TRMT9B: variants seen among roughly 807,000 people sequenced by gnomAD.
TRMT9B encodes the protein tRNA methyltransferase 9B (putative), also known as probable tRNA methyltransferase 9B.
In TRMT9B, 16 loss-of-function variants were observed where a neutral mutation model predicts 11.5. The observed-to-expected ratio is 1.39, with a 90% confidence interval of 0.94 to 2.11. The LOEUF (loss-of-function observed/expected upper bound fraction) is 2.11, where lower values mean the gene tolerates loss of function less well. Among genes scored for constraint, TRMT9B ranks in the 30% most tolerant of loss-of-function variants. TRMT9B has a pLI of 0.00. For synonymous variants in TRMT9B, 274 were observed against 192.4 expected (o/e 1.42, Z -3.51); for missense variants, 941 against 553.8 (o/e 1.70, Z -7.02).
chr8:12,979,129 G>A (rs931694210), intron 1 of TRMT9B, among the ~76,000 whole-genome samples: 9 of 152,168 alleles, frequency 5.9e-5, no homozygotes, highest in African/African-American at 2.2e-4. Flanking sequence ...ACTCCCTCTG[G>A]CGGGGGAATG....
intron 3 of TRMT9B, among the ~76,000 whole-genome samples, chr8:13,009,578 A>T (rs1424239220): frequency 6.6e-6 from 1 of 152,156 alleles, no homozygotes; most frequent in African/African-American, 2.4e-5. Context: ...TGTTTTATGT[A>T]AAAATAAGCG....
At chr8:13,004,226 G>A (rs1343713663) in intron 2 of TRMT9B, among the ~76,000 whole-genome samples, 2 of 151,986 alleles carry the variant, frequency 1.3e-5, no homozygotes, top group Non-Finnish European at 2.9e-5. Flanking sequence ...TTGAAAGGCA[G>A]TGTAGGCCCC....
At chr8:12,996,227 T>A (rs137879494) in intron 2 of TRMT9B, among the ~76,000 whole-genome samples, 1 of 152,174 alleles carries the variant, frequency 6.6e-6, no homozygotes, top group Non-Finnish European at 1.5e-5. Context: ...TTTGAGTTAT[T>A]GAGTAAAGCT....
intron 3 of TRMT9B, among the ~76,000 whole-genome samples, chr8:13,007,978 A>T (rs1352124942): frequency 1.3e-5 from 2 of 152,246 alleles, no homozygotes; most frequent in East Asian, 3.8e-4. Flanking sequence ...GATTGCCATT[A>T]TTCACAGTAC....
Position 13,006,265 on chromosome 8 carries a change from C to G in TRMT9B, c.63C>G (p.Ala21=). 2 of 1,613,990 alleles carry G rather than the reference C, an allele frequency of 1.2e-6. No homozygotes were observed. The highest frequency in any genetic ancestry group is 1.3e-5 in the African/African-American group (1 of 75,058). Reference sequence around the variant, plus strand: ...TGCACAATGTGTACGAGAGCACAGCCCCTTACTTCAGCGACCTGCAGAGCA... The same window carrying G: ...TGCACAATGTGTACGAGAGCACAGCGCCTTACTTCAGCGACCTGCAGAGCA... ...QHVHNVYEST[A]PYFSDLQSKA... is the part of the protein sequence containing the mutation. The change falls in exon 3 of 5, where the codon GCC becomes GCG. Residue 21 remains alanine, a synonymous_variant. Coordinates refer to ENST00000524591, the MANE Select transcript of TRMT9B (RefSeq NM_020844.3).
rs1371611457 is a variant in TRMT9B, at chr8:13,012,840, C to T, written c.311C>T (p.Ala104Val). The T allele has an allele frequency of 1.2e-6, 2 of 1,613,728 alleles. No homozygotes were observed. Among genetic ancestry groups the T allele is most frequent in the South Asian group, 1.1e-5 (1 of 91,054 alleles). The change falls in exon 4 of 5, where the codon GCC becomes GTC. Residue 104 changes from alanine (A) to valine (V), a missense_variant. Transcript: ENST00000524591. ...CCCTTTAGGGATGAGGGCTTCGATGCCATCATCTCCATAGGAGGTAAGGCA... is the reference window on the plus strand; with the variant it reads ...CCCTTTAGGGATGAGGGCTTCGATGTCATCATCTCCATAGGAGGTAAGGCA... ...NLPFRDEGFD[A>V]IISIGVIHHF...
chr8:12,986,406 A>G (rs1052939783), intron 1 of TRMT9B, among the ~76,000 whole-genome samples: 3 of 152,232 alleles, frequency 2.0e-5, no homozygotes, highest in African/African-American at 7.2e-5. Flanking sequence ...ATCATAAGAC[A>G]TATTGTCCCT....
intron 2 of TRMT9B, among the ~76,000 whole-genome samples, chr8:13,000,530 C>T (rs976521815): frequency 2.6e-5 from 4 of 152,170 alleles, no homozygotes; most frequent in African/African-American, 9.7e-5. Flanking sequence ...TCTGGGATCT[C>T]CTCTTCTGTG....
chr8:12,948,612 G>T (rs943055465), intron 1 of TRMT9B, among the ~76,000 whole-genome samples: 84 of 150,928 alleles, frequency 5.6e-4, no homozygotes, highest in African/African-American at 1.9e-3. Context: ...AAAATGTAAT[G>T]ATAAAGAAAC....
At chr8:12,980,629 C>G (rs963572498) in intron 1 of TRMT9B, among the ~76,000 whole-genome samples, 1 of 152,184 alleles carries the variant, frequency 6.6e-6, no homozygotes. Flanking sequence ...AATCACAGCA[C>G]TAGTGCCAAA....
chr8:13,021,004 T>A lies in TRMT9B; in HGVS notation c.329-4T>A. 2 of 1,524,808 alleles carry A rather than the reference T, an allele frequency of 1.3e-6. No individual in the cohort carries two copies. The highest frequency in any genetic ancestry group is 1.8e-6 in the Non-Finnish European group (2 of 1,134,812). 94.5% of individuals were successfully genotyped at this position (1,524,808 alleles called of 1,614,324 possible). ...ACACTGAGATCTAGTTTTGTCTTTT[T>A]CAGTCATACATCATTTTTCTACAAA... On this transcript the variant is annotated splice_region_variant and splice_polypyrimidine_tract_variant and intron_variant, in intron 4 of 4. Coordinates refer to ENST00000524591, the MANE Select transcript of TRMT9B (RefSeq NM_020844.3).
intron 2 of TRMT9B, among the ~76,000 whole-genome samples, chr8:12,998,091 G>A (rs74815709): frequency 1.3e-5 from 2 of 152,022 alleles, no homozygotes; most frequent in African/African-American, 4.8e-5. Context: ...CAATTGTGTT[G>A]TCTTCTATTA....
chr8:12,983,812 C>G (rs778321912), intron 1 of TRMT9B, among the ~76,000 whole-genome samples: 1 of 152,186 alleles, frequency 6.6e-6, no homozygotes, highest in South Asian at 2.1e-4. Context: ...TTAATCAAAA[C>G]ATAGCATTGC....
chr8:13,011,618 T>A (rs1436041182), intron 3 of TRMT9B: 6 of 965,910 alleles, frequency 6.2e-6, no homozygotes, highest in Non-Finnish European at 7.4e-6. Context: ...GGTGGTTTAT[T>A]CATTCATGTT....
intron 1 of TRMT9B, chr8:12,952,274 C>T (rs370577448): frequency 4.7e-5 from 19 of 404,376 alleles, no homozygotes; most frequent in Admixed American, 1.6e-4. Flanking sequence ...GATCCGCTGC[C>T]TCGGCGCCCG....
intron 1 of TRMT9B, among the ~76,000 whole-genome samples, chr8:12,974,274 A>C (rs1185448504): frequency 3.3e-5 from 5 of 152,014 alleles, no homozygotes; most frequent in East Asian, 3.9e-4. Flanking sequence ...GTTGGGAGTG[A>C]AGGATGCAAC....
intron 1 of TRMT9B, among the ~76,000 whole-genome samples, chr8:12,976,877 C>T (rs1804542183): frequency 6.6e-6 from 1 of 152,098 alleles, no homozygotes; most frequent in African/African-American, 2.4e-5. Context: ...AAGGACAAAG[C>T]CATTGTTCAA....
intron 1 of TRMT9B, among the ~76,000 whole-genome samples, chr8:12,985,596 G>A (rs1040597933): frequency 6.6e-6 from 1 of 152,076 alleles, no homozygotes. Flanking sequence ...GAGACAGTAC[G>A]GACCACCCAT....
intron 2 of TRMT9B, among the ~76,000 whole-genome samples, chr8:13,005,285 G>C (rs778276278): frequency 6.6e-6 from 1 of 152,198 alleles, no homozygotes; most frequent in African/African-American, 2.4e-5. Flanking sequence ...GTTACGAGAG[G>C]CTGCAAAGCG....
Sources: gnomAD v4.1 joint callset for allele counts (sites outside exome capture counted in the v4.1 genomes callset) on GRCh38, gnomAD v4.1.1 for gene constraint, MANE v1.5 for transcripts, NCBI Gene and HGNC (gene_info 2026-07-23, HGNC 2026-07-21) for gene names.